The following CACNA1C variants were observed in gnomAD, a reference collection of about 807,000 sequenced individuals.
The protein encoded by CACNA1C is voltage-dependent L-type calcium channel subunit alpha-1C.
A neutral mutation model predicts 229.0 loss-of-function variants in CACNA1C; 30 were observed. The observed-to-expected ratio is 0.13, with a 90% CI of 0.10 to 0.18. The LOEUF (loss-of-function observed/expected upper bound fraction) is 0.18, where lower values mean the gene tolerates loss of function less well. Among genes scored for constraint, CACNA1C ranks in the 10% least tolerant of loss-of-function variants. The pLI, the probability that CACNA1C is intolerant of heterozygous loss-of-function variation, is 1.00. For synonymous variants in CACNA1C, 1,114 were observed against 1,132.5 expected, an observed-to-expected ratio of 0.98 and a Z score of 0.33; for missense variants, 1,658 against 2,845.0, an observed-to-expected ratio of 0.58 and a Z score of 9.49.
chr12:2,029,114 G>A lies in CACNA1C; in HGVS notation c.139+57913G>A, dbSNP rs1444161332. On this transcript the variant is annotated intron_variant, in intron 1 of 46. Coordinates refer to the CACNA1C transcript ENST00000682462. The surrounding 1 kb of genome is among the most constrained non-coding windows in gnomAD (Gnocchi z 4.9). ...ACCTGAGTGAGAACTGAGGCCCCAT[G>A]AGTGGAAATGACTTGCTCAGTAATC... 1.3e-5 allele frequency among the ~76,000 whole-genome samples: 2 copies of A among 152,172 alleles called. No homozygotes were observed. The highest frequency in any genetic ancestry group is 4.8e-5 in the African/African-American group (2 of 41,432).
chr12:2,290,167 T>A (rs545468181), intron 3 of CACNA1C, among the ~76,000 whole-genome samples: 1 of 152,316 alleles, frequency 6.6e-6, no homozygotes. Flanking sequence ...CCGGCAGAGC[T>A]GGAGTCCACA....
chr12:2,211,927 G>T (rs1416741793), intron 3 of CACNA1C, among the ~76,000 whole-genome samples: 1 of 151,766 alleles, frequency 6.6e-6, no homozygotes, highest in African/African-American at 2.4e-5. Flanking sequence ...CACCATGTTG[G>T]CCAGGCTGGT....
Position 2,661,770 on chromosome 12 carries a change from T to A in CACNA1C, c.4233-3055T>A, listed in dbSNP as rs1323248267. ...CAGGCTAATTCAAGTAGAAAATCCA[T>A]GCAAATTAACTAAAAACCCTTTAGG... On this transcript the variant is annotated intron_variant, in intron 34 of 46. Coordinates refer to ENST00000399655, the MANE Select transcript of CACNA1C (RefSeq NM_000719.7). Among the ~76,000 whole-genome samples, 7 of 152,264 alleles carry A rather than the reference T, an allele frequency of 4.6e-5. No homozygotes were observed. In the South Asian group the frequency reaches 6.2e-4, roughly 14 times the overall value.
chr12:2,409,562 C>T (rs2098782418), intron 3 of CACNA1C, among the ~76,000 whole-genome samples: 1 of 152,252 alleles, frequency 6.6e-6, no homozygotes, highest in Non-Finnish European at 1.5e-5. Context: ...TTTTAGGTTT[C>T]TCACCATAAT....
intron 3 of CACNA1C, among the ~76,000 whole-genome samples, chr12:2,340,049 C>T (rs1398142159): frequency 6.6e-6 from 1 of 152,118 alleles, no homozygotes; most frequent in African/African-American, 2.4e-5. Flanking sequence ...AAATATGAAT[C>T]TGCAGTATAA....
chr12:2,359,928 C>T (rs1388047041), intron 3 of CACNA1C, among the ~76,000 whole-genome samples: 2 of 152,062 alleles, frequency 1.3e-5, no homozygotes, highest in Admixed American at 6.5e-5. Context: ...AAGCAGTCTT[C>T]CCAGACGAGA....
At chr12:2,655,610 A>G (rs1389037312) in intron 34 of CACNA1C, among the ~76,000 whole-genome samples, 1 of 152,226 alleles carries the variant, frequency 6.6e-6, no homozygotes, top group Non-Finnish European at 1.5e-5. Flanking sequence ...CAATAAGTAC[A>G]GATATCTATC....
At position 2,601,990 on chromosome 12, in the gene CACNA1C, G is replaced by T; in HGVS notation, c.2960+30G>T. 1.4e-6 allele frequency: 2 copies of T among 1,428,380 alleles called. No homozygotes were observed. Among genetic ancestry groups the T allele is most frequent in the Non-Finnish European group, 2.0e-6 (2 of 1,010,530 alleles). 88.5% of individuals were successfully genotyped at this position (1,428,380 alleles called of 1,614,324 possible). A position where few individuals can be genotyped will look rare whatever the true frequency, so the allele number is the denominator to read the frequency against. On this transcript the variant is annotated intron_variant, in intron 22 of 46. Transcript: ENST00000399655. The surrounding 1 kb of genome is among the most constrained non-coding windows in gnomAD (Gnocchi z 5.9). The stretch of plus-strand genomic sequence containing the variant: ...GTGGGAGCCCCTCAGCCCACGATGG[G>T]CCATGCAGCTAGCAAGGGGTGCCAG...
At chr12:2,644,363 G>A (rs139568012) in intron 30 of CACNA1C, among the ~76,000 whole-genome samples, 450 of 152,314 alleles carry the variant, frequency 3.0e-3, no homozygotes, top group African/African-American at 0.011. Context: ...CCACCTGACC[G>A]CAGGAGAGTA....
intron 22 of CACNA1C, among the ~76,000 whole-genome samples, chr12:2,604,339 G>A (rs534985496): frequency 7.9e-5 from 12 of 152,216 alleles, no homozygotes; most frequent in East Asian, 7.7e-4. Flanking sequence ...CCGTCGTTTC[G>A]GGGTGTTGTT....
Position 2,486,279 on chromosome 12 carries a change from GC to G in CACNA1C, c.916+18del, listed in dbSNP as rs1567971586. 6.2e-7 allele frequency: 1 copy of G among 1,608,112 alleles called. No individual in the cohort carries two copies. The highest frequency in any genetic ancestry group is 1.1e-5 in the South Asian group (1 of 90,282). On this transcript the variant is annotated intron_variant, in intron 6 of 46. Coordinates refer to ENST00000399655, the MANE Select transcript of CACNA1C (RefSeq NM_000719.7). The surrounding 1 kb of genome is among the most constrained non-coding windows in gnomAD (Gnocchi z 4.9). ...GCATAGCAGGTAAGAGGGGCAGGCG[GC>G]TGCGCTCCCAAGGCCCTGCCCTCTA...
In CACNA1C at chr12:2,055,293, G is replaced by A. The variant is rs114577197; in HGVS notation, c.49+1682G>A. ...TTTGTGAAGAGTGGGGATGCAAGAT[G>A]ACTCCCCTCCAGGTTCTGAGACTGC... On this transcript the variant is annotated intron_variant, in intron 1 of 46. Coordinates refer to ENST00000399655, the MANE Select transcript of CACNA1C (RefSeq NM_000719.7). Among the ~76,000 whole-genome samples, 268 of 152,304 alleles carry A rather than the reference G, an allele frequency of 1.8e-3. 2 individuals are homozygous for A. Among genetic ancestry groups the A allele is most frequent in the African/African-American group, 6.4e-3 (264 of 41,556 alleles).
intron 3 of CACNA1C, among the ~76,000 whole-genome samples, chr12:2,148,868 T>G: frequency 6.6e-6 from 1 of 152,206 alleles, no homozygotes; most frequent in Non-Finnish European, 1.5e-5. Flanking sequence ...CTTGGCTCTA[T>G]GCACTACCAG....
At chr12:2,159,884 G>A (rs763279327) in intron 3 of CACNA1C, among the ~76,000 whole-genome samples, 26 of 152,222 alleles carry the variant, frequency 1.7e-4, no homozygotes, top group Admixed American at 1.5e-3. Context: ...GATTATAGGC[G>A]TGAGCCACCG....
intron 3 of CACNA1C, among the ~76,000 whole-genome samples, chr12:2,270,905 T>TG (rs1160250432): frequency 6.6e-6 from 1 of 151,790 alleles, no homozygotes; most frequent in Non-Finnish European, 1.5e-5. Flanking sequence ...TGGATGGTGG[T>TG]GGGGGGTGTG....
chr12:2,209,457 G>A (rs1404080722), intron 3 of CACNA1C, among the ~76,000 whole-genome samples: 3 of 152,196 alleles, frequency 2.0e-5, no homozygotes, highest in East Asian at 3.8e-4. Context: ...GAAAGGGAGC[G>A]AGGGAGTGGG....
At chr12:2,485,801 AAG>A (rs1429601501) in intron 5 of CACNA1C, among the ~76,000 whole-genome samples, 7 of 152,304 alleles carry the variant, frequency 4.6e-5, no homozygotes, top group African/African-American at 1.7e-4. Context: ...AGTTGTCTGT[AAG>A]ATGGGGTATT....
intron 3 of CACNA1C, among the ~76,000 whole-genome samples, chr12:2,271,985 G>A (rs2085234051): frequency 1.3e-5 from 2 of 152,168 alleles, no homozygotes; most frequent in Admixed American, 1.3e-4. Flanking sequence ...ATTTCAAGAA[G>A]CATACTCTTC....
chr12:2,064,643 G>C (rs1299744139), intron 1 of CACNA1C, among the ~76,000 whole-genome samples: 2 of 152,174 alleles, frequency 1.3e-5, no homozygotes, highest in Non-Finnish European at 2.9e-5. Flanking sequence ...GAGAAAATTG[G>C]GAAAGGAGGA....
Sources: allele counts gnomAD v4.1 joint callset (sites outside exome capture counted in the v4.1 genomes callset), GRCh38; gene constraint gnomAD v4.1.1; non-coding constraint Gnocchi (gnomAD v3.1); transcripts MANE v1.5; gene names NCBI Gene and HGNC (gene_info 2026-07-23, HGNC 2026-07-21).